Variants in MED13L observed in about 807,000 individuals in gnomAD.
MED13L encodes mediator of RNA polymerase II transcription subunit 13-like.
MED13L carries 7 observed loss-of-function variants against 220.9 expected under a neutral mutation model. The ratio of observed to expected loss-of-function variants is 0.03; its 90% CI spans 0.02 to 0.06. The LOEUF (loss-of-function observed/expected upper bound fraction) is 0.06. Ranked by LOEUF, MED13L falls within the 10% of genes least tolerant of loss-of-function variation. The probability of loss-of-function intolerance (pLI) is 1.00; values close to 1 mark genes in which losing one functional copy is unlikely to be tolerated. For missense variants in MED13L, 1,965 were observed against 2,760.5 expected (o/e 0.71, Z 6.46); for synonymous variants, 1,011 against 1,015.2 (o/e 1.00, Z 0.08).
intron 1 of MED13L, among the ~76,000 whole-genome samples, chr12:116,267,449 A>G (rs529315498): frequency 2.0e-5 from 3 of 152,338 alleles, no homozygotes; most frequent in South Asian, 4.1e-4. Context: ...GGGCTACTCT[A>G]TAACTTTAGT....
rs1593238866 is a variant in MED13L at position 116,277,553 on chromosome 12, G to A, written c.-422C>T. ...CCGCCGCGGAGCGCGAACTCGCGAAGGGGGGGGTGCGGACGAAGCCAGCGG... is the reference window on the plus strand; with the variant it reads ...CCGCCGCGGAGCGCGAACTCGCGAAAGGGGGGGTGCGGACGAAGCCAGCGG... On this transcript the variant is annotated 5_prime_UTR_variant, in exon 1 of 31. Coordinates refer to ENST00000281928, the MANE Select transcript of MED13L (RefSeq NM_015335.5). Among the ~76,000 whole-genome samples, 2 of 148,724 alleles carry A rather than the reference G, an allele frequency of 1.3e-5. No individual in the cohort carries two copies. The highest frequency in any genetic ancestry group is 6.6e-5 in the Admixed American group (1 of 15,038).
intron 2 of MED13L, among the ~76,000 whole-genome samples, chr12:116,117,579 T>C (rs1307488074): frequency 1.3e-5 from 2 of 151,962 alleles, no homozygotes; most frequent in Non-Finnish European, 2.9e-5. Flanking sequence ...AAAGGACTCC[T>C]ACTCTAAATT....
intron 4 of MED13L, among the ~76,000 whole-genome samples, chr12:116,057,604 ATAATCT>A (rs1430720439): frequency 1.3e-5 from 2 of 150,910 alleles, no homozygotes; most frequent in African/African-American, 4.9e-5. Flanking sequence ...CGCCTACTAG[ATAATCT>A]TAATCTACCC....
chr12:116,019,288 C>G lies in MED13L; in HGVS notation c.945G>C (p.Val315=). 2 of 1,614,008 alleles carry G rather than the reference C, an allele frequency of 1.2e-6. No individual in the cohort carries two copies. Among genetic ancestry groups the G allele is most frequent in the Non-Finnish European group, 1.7e-6 (2 of 1,179,952 alleles). Residue 315 remains valine (V), a synonymous_variant, in exon 7 of 31, where the codon GTG becomes GTC. Transcript: ENST00000281928. Reference sequence around the variant, plus strand: ...GCATCCCACAGTTACTTGGGTCCTTCACACTACCAAGCCCTTGCTGCCCAA... The same window carrying G: ...GCATCCCACAGTTACTTGGGTCCTTGACACTACCAAGCCCTTGCTGCCCAA... ...IAVGQQGLGS[V]KDPSNCGMPL... is the part of the protein sequence containing the mutation.
At position 115,961,188 on chromosome 12, in the gene MED13L, T is replaced by C. The variant is rs1875732810; in HGVS notation, c.*78A>G. The C allele has an allele frequency of 6.4e-7, 1 of 1,564,342 alleles. No individual in the cohort carries two copies. Among genetic ancestry groups the C allele is most frequent in the Non-Finnish European group, 8.8e-7 (1 of 1,136,032 alleles). On this transcript the variant is annotated 3_prime_UTR_variant, in exon 31 of 31. Transcript: ENST00000281928. ...GTCTGAAGAAAAGGATGTGGGTTAT[T>C]TGCAGAGTGTAGCAGGTTCCTTGGA...
chr12:116,086,665 A>G (rs919785611), intron 4 of MED13L, among the ~76,000 whole-genome samples: 1 of 152,234 alleles, frequency 6.6e-6, no homozygotes, highest in Non-Finnish European at 1.5e-5. Context: ...GAAGCATGCA[A>G]GCCACACTTA....
chr12:116,034,605 G>A (rs1463980073), intron 4 of MED13L, among the ~76,000 whole-genome samples: 1 of 152,154 alleles, frequency 6.6e-6, no homozygotes, highest in Admixed American at 6.5e-5. Flanking sequence ...GACTAGCATA[G>A]CAGTCCGACA....
intron 2 of MED13L, among the ~76,000 whole-genome samples, chr12:116,117,371 C>A (rs1874622241): frequency 6.6e-6 from 1 of 152,052 alleles, no homozygotes; most frequent in African/African-American, 2.4e-5. Flanking sequence ...CAGTTACATA[C>A]CTGCATACAT....
intron 2 of MED13L, among the ~76,000 whole-genome samples, chr12:116,216,427 CCTA>C (rs1283007061): frequency 6.6e-6 from 1 of 152,148 alleles, no homozygotes; most frequent in Non-Finnish European, 1.5e-5. Flanking sequence ...TATTACTGTG[CCTA>C]CTACAAGTGT....
chr12:116,082,833 A>G (rs796414527), intron 4 of MED13L, among the ~76,000 whole-genome samples: 23 of 152,344 alleles, frequency 1.5e-4, no homozygotes, highest in African/African-American at 5.5e-4. Context: ...ATTTGATCTA[A>G]GGGAGGGAAT....
At chr12:116,012,055 G>T (rs1206098061) in intron 9 of MED13L, among the ~76,000 whole-genome samples, 1 of 152,162 alleles carries the variant, frequency 6.6e-6, no homozygotes, top group Non-Finnish European at 1.5e-5. Context: ...TATCAAATTT[G>T]AAAGTGTATA....
intron 1 of MED13L, among the ~76,000 whole-genome samples, chr12:116,261,413 C>CT (rs1329651539): frequency 1.3e-5 from 2 of 150,380 alleles, no homozygotes; most frequent in Non-Finnish European, 2.9e-5. Flanking sequence ...GGAAGAATCA[C>CT]TTGAACCTCA....
chr12:115,972,129 T>A lies in MED13L; in HGVS notation c.5839A>T (p.Ser1947Cys). The change falls in exon 26 of 31, where the codon AGT (serine) becomes TGT (cysteine). Residue 1947 changes from serine (S) to cysteine (C), a missense_variant. Ser to Cys is a moderately radical substitution (Grantham distance 112, BLOSUM62 -1). Coordinates refer to ENST00000281928, the MANE Select transcript of MED13L (RefSeq NM_015335.5). ...GGCTCCATGGCAACCAGGCAGGCAC[T>A]AAGGATAGAAGGAGAGTCTGCGGCA... ...ISAADSPSILSACLVAMEPQG... is the reference protein window; with the variant it reads ...ISAADSPSILCACLVAMEPQG... 1 of 1,614,004 alleles carries A rather than the reference T, an allele frequency of 6.2e-7. No individual in the cohort carries two copies. Among genetic ancestry groups the A allele is most frequent in the Non-Finnish European group, 8.5e-7 (1 of 1,179,922 alleles).
chr12:115,995,718 CG>C (rs1293352807), intron 16 of MED13L, among the ~76,000 whole-genome samples: 2 of 152,172 alleles, frequency 1.3e-5, no homozygotes, highest in African/African-American at 4.8e-5. Flanking sequence ...CCACCGCACC[CG>C]GCCCTAGCCT....
intron 2 of MED13L, among the ~76,000 whole-genome samples, chr12:116,161,326 G>A (rs148032004): frequency 1.1e-4 from 16 of 152,142 alleles, no homozygotes; most frequent in Middle Eastern, 3.4e-3. Context: ...TTCTGGAAGT[G>A]GCAAAGTCCT....
At chr12:116,167,134 G>T (rs895197539) in intron 2 of MED13L, among the ~76,000 whole-genome samples, 1 of 152,062 alleles carries the variant, frequency 6.6e-6, no homozygotes, top group Non-Finnish European at 1.5e-5. Flanking sequence ...AAGATAAAGA[G>T]ATAGACAAAT....
chr12:115,976,224 T>C (rs939541094), intron 23 of MED13L, among the ~76,000 whole-genome samples: 2 of 152,232 alleles, frequency 1.3e-5, no homozygotes, highest in African/African-American at 4.8e-5. Context: ...ATATTCACGA[T>C]AGTATTAATC....
chr12:115,973,741 A>G (rs139592875), intron 25 of MED13L, among the ~76,000 whole-genome samples: 11 of 152,338 alleles, frequency 7.2e-5, no homozygotes, highest in Non-Finnish European at 1.6e-4. Context: ...CCCCTAATGT[A>G]TTAGACCTCC....
chr12:116,130,466 A>T (rs1443882182), intron 2 of MED13L, among the ~76,000 whole-genome samples: 2 of 152,232 alleles, frequency 1.3e-5, no homozygotes, highest in Non-Finnish European at 2.9e-5. Flanking sequence ...ATATTAATGA[A>T]AAGGTAACGG....
Sources: allele counts gnomAD v4.1 joint callset (sites outside exome capture counted in the v4.1 genomes callset), GRCh38; gene constraint gnomAD v4.1.1; transcripts MANE v1.5; gene names NCBI Gene and HGNC (gene_info 2026-07-23, HGNC 2026-07-21).